Variants in MARCHF1 observed in about 807,000 individuals in gnomAD.
The protein encoded by MARCHF1 is E3 ubiquitin-protein ligase MARCHF1.
In MARCHF1, 40 loss-of-function variants were observed where a neutral mutation model predicts 54.2. That is an observed-to-expected ratio of 0.74 (90% CI 0.57 to 0.96). The LOEUF (loss-of-function observed/expected upper bound fraction) is 0.96, where lower values mean the gene tolerates loss of function less well. Among genes scored for constraint, MARCHF1 ranks in the 40% least tolerant of loss-of-function variants. MARCHF1 has a pLI of 0.00. For synonymous variants in MARCHF1, 236 were observed against 236.3 expected (o/e 1.00, Z 0.01); for missense variants, 586 against 656.5 (o/e 0.89, Z 1.17).
At chr4:163,735,606 G>A (rs1429668843) in intron 4 of MARCHF1, among the ~76,000 whole-genome samples, 1 of 152,184 alleles carries the variant, frequency 6.6e-6, no homozygotes, top group Non-Finnish European at 1.5e-5. Context: ...GAAGTTTCTT[G>A]TATAAGAACC....
At chr4:163,780,401 G>T (rs1466273579) in intron 4 of MARCHF1, among the ~76,000 whole-genome samples, 2 of 152,116 alleles carry the variant, frequency 1.3e-5, no homozygotes, top group African/African-American at 4.8e-5. Context: ...TTTCAAATGT[G>T]AAATTTTAAA....
intron 7 of MARCHF1, among the ~76,000 whole-genome samples, chr4:163,604,204 T>G (rs1014478205): frequency 6.6e-6 from 1 of 152,132 alleles, no homozygotes; most frequent in African/African-American, 2.4e-5. Flanking sequence ...CTCTGAACTC[T>G]AGACCTTGCC....
chr4:163,973,494 G>C (rs1579432433), intron 3 of MARCHF1, among the ~76,000 whole-genome samples: 1 of 152,158 alleles, frequency 6.6e-6, no homozygotes, highest in Non-Finnish European at 1.5e-5. Context: ...ATTTTTCAAG[G>C]CTCAGCTTGC....
intron 1 of MARCHF1, among the ~76,000 whole-genome samples, chr4:164,148,133 TAAAAA>T (rs1729815013): frequency 8.5e-6 from 1 of 117,994 alleles, no homozygotes; most frequent in Non-Finnish European, 1.8e-5. Flanking sequence ...AACCGTGGTT[TAAAAA>T]AATAACACAC....
intron 1 of MARCHF1, among the ~76,000 whole-genome samples, chr4:164,134,654 C>A (rs1756365531): frequency 6.6e-6 from 1 of 152,074 alleles, no homozygotes; most frequent in African/African-American, 2.4e-5. Flanking sequence ...AAGAAATAGA[C>A]ATGACTGATA....
intron 4 of MARCHF1, among the ~76,000 whole-genome samples, chr4:163,772,435 G>C (rs1276876755): frequency 6.6e-6 from 1 of 152,188 alleles, no homozygotes; most frequent in Non-Finnish European, 1.5e-5. Context: ...GACATGACCA[G>C]GATGAAACAA....
chr4:163,696,027 T>A (rs972307084), intron 5 of MARCHF1, among the ~76,000 whole-genome samples: 1 of 152,112 alleles, frequency 6.6e-6, no homozygotes, highest in African/African-American at 2.4e-5. Flanking sequence ...ATATAACTTA[T>A]CTGTAGCTTT....
chr4:163,694,006 T>A (rs1361730715), intron 5 of MARCHF1, among the ~76,000 whole-genome samples: 1 of 152,166 alleles, frequency 6.6e-6, no homozygotes, highest in Non-Finnish European at 1.5e-5. Flanking sequence ...ACAGAAGTGA[T>A]CATCAAGAAT....
rs1479842142 is a variant in MARCHF1, at chr4:164,147,228, C to A, written c.-322-35566G>T. ...GAACACTTTTACACTGTTGGTGGGA[C>A]TGTAAACTAGTTCAACCATTGTGGA... On this transcript the variant is annotated intron_variant, in intron 1 of 9. Coordinates refer to ENST00000514618, the MANE Select transcript of MARCHF1 (RefSeq NM_001394959.1). 9.5e-3 allele frequency among the ~76,000 whole-genome samples: 1,416 copies of A among 148,990 alleles called. 23 individuals are homozygous for A. Among genetic ancestry groups the A allele is most frequent in the African/African-American group, 0.033 (1,348 of 40,402 alleles).
chr4:163,575,241 T>G (rs535755503), intron 8 of MARCHF1, among the ~76,000 whole-genome samples: 2 of 152,102 alleles, frequency 1.3e-5, no homozygotes, highest in Non-Finnish European at 2.9e-5. Context: ...AGGGTTTTTA[T>G]CATGAAGGAA....
intron 4 of MARCHF1, among the ~76,000 whole-genome samples, chr4:163,776,096 T>A (rs958969685): frequency 6.6e-6 from 1 of 152,178 alleles, no homozygotes; most frequent in African/African-American, 2.4e-5. Flanking sequence ...TTGTTTAGAT[T>A]CTACTATGTG....
chr4:164,020,681 C>T (rs1753643673), intron 2 of MARCHF1, among the ~76,000 whole-genome samples: 2 of 152,150 alleles, frequency 1.3e-5, no homozygotes, highest in Non-Finnish European at 2.9e-5. Flanking sequence ...CCTGTAATCC[C>T]AGCATTTTGG....
At chr4:163,635,069 A>G (rs1579138207) in intron 5 of MARCHF1, among the ~76,000 whole-genome samples, 4 of 73,080 alleles carry the variant, frequency 5.5e-5, no homozygotes, top group African/African-American at 1.5e-4. Flanking sequence ...GACACAACAT[A>G]CCAGAATCTC....
At chr4:164,378,935 A>T (rs1406819893) in intron 1 of MARCHF1, among the ~76,000 whole-genome samples, 1 of 151,582 alleles carries the variant, frequency 6.6e-6, no homozygotes, top group Non-Finnish European at 1.5e-5. Flanking sequence ...CTGGTCTCGA[A>T]CTCCTGACCT....
intron 4 of MARCHF1, among the ~76,000 whole-genome samples, chr4:163,772,890 T>C (rs1747201156): frequency 6.6e-6 from 1 of 152,130 alleles, no homozygotes; most frequent in Non-Finnish European, 1.5e-5. Context: ...CTGATGAGCC[T>C]CAAGTGGAAG....
chr4:163,530,209 C>G (rs1009003076), intron 9 of MARCHF1: 1 of 151,920 alleles, frequency 6.6e-6, no homozygotes, highest in African/African-American at 2.4e-5. Flanking sequence ...CCAAAAATAA[C>G]AGCGTTACCC....
intron 4 of MARCHF1, 65 bp from the exon 5 acceptor site, chr4:163,700,928 T>A (rs1744793292): frequency 2.1e-5 from 24 of 1,133,620 alleles, no homozygotes; most frequent in Non-Finnish European, 2.9e-5. Context: ...ACTGTACCAC[T>A]GAGAAGAGAA....
At chr4:163,748,498 AT>A (rs1290030520) in intron 4 of MARCHF1, among the ~76,000 whole-genome samples, 1 of 151,918 alleles carries the variant, frequency 6.6e-6, no homozygotes, top group African/African-American at 2.4e-5. Flanking sequence ...GCTGGTATTG[AT>A]TCACTGTTCC....
intron 1 of MARCHF1, chr4:164,197,198 C>T: frequency 1.2e-6 from 2 of 1,609,632 alleles, no homozygotes; most frequent in Non-Finnish European, 1.7e-6. Context: ...TACTCCTCCT[C>T]ATGCTCACCC....
Sources: allele counts gnomAD v4.1 joint callset (sites outside exome capture counted in the v4.1 genomes callset), GRCh38; gene constraint gnomAD v4.1.1; transcripts MANE v1.5; gene names NCBI Gene and HGNC (gene_info 2026-07-23, HGNC 2026-07-21).